The following EPHA5 variants were observed in gnomAD, a reference collection of about 807,000 sequenced individuals.
The protein encoded by EPHA5 is ephrin type-A receptor 5.
A neutral mutation model predicts 105.0 loss-of-function variants in EPHA5; 60 were observed. The observed-to-expected ratio is 0.57, with a 90% CI of 0.46 to 0.71. The LOEUF (loss-of-function observed/expected upper bound fraction) is 0.71. EPHA5 is among the 30% of genes least tolerant of loss of function. The pLI is 0.00. For synonymous variants in EPHA5, 513 were observed against 449.1 expected, an observed-to-expected ratio of 1.14 and a Z score of -1.80; for missense variants, 1,218 against 1,274.7, an observed-to-expected ratio of 0.96 and a Z score of 0.68.
chr4:65,524,988 T>C (rs1316007725), intron 3 of EPHA5, among the ~76,000 whole-genome samples: 1 of 151,734 alleles, frequency 6.6e-6, no homozygotes, highest in Non-Finnish European at 1.5e-5. Flanking sequence ...TTTTTGTGAG[T>C]CAGTGTCTGA....
intron 11 of EPHA5, among the ~76,000 whole-genome samples, chr4:65,356,983 T>C (rs1234287511): frequency 1.3e-5 from 2 of 151,492 alleles, no homozygotes; most frequent in Non-Finnish European, 3.0e-5. Flanking sequence ...CAAAAATCCA[T>C]ATAAAAATAA....
chr4:65,487,916 A>G (rs1055474853), intron 5 of EPHA5, among the ~76,000 whole-genome samples: 11 of 152,176 alleles, frequency 7.2e-5, no homozygotes, highest in Admixed American at 3.9e-4. Flanking sequence ...GGTGGTTACA[A>G]TTAGAAGTTT....
At position 65,576,360 on chromosome 4, in the gene EPHA5, C is replaced by T. The variant is rs533488875; in HGVS notation, c.910+25281G>A. On this transcript the variant is annotated intron_variant, in intron 3 of 16. Coordinates refer to ENST00000613740, the MANE Select transcript of EPHA5 (RefSeq NM_001281766.3). Reference sequence around the variant, plus strand: ...TGCAGTAGGTGGAATGTGCAAATATCGTTCACCAGAAGAAGTACAGCCTTT... The same window carrying T: ...TGCAGTAGGTGGAATGTGCAAATATTGTTCACCAGAAGAAGTACAGCCTTT... Among the ~76,000 whole-genome samples the T allele has an allele frequency of 2.0e-5, 3 of 152,248 alleles. No individual in the cohort carries two copies. In the East Asian group the frequency reaches 5.8e-4, roughly 29 times the overall value.
At chr4:65,335,870 T>C (rs1484372423) in intron 15 of EPHA5, 62 bp downstream of exon 15, 32 of 1,461,634 alleles carry the variant, frequency 2.2e-5, no homozygotes, top group Non-Finnish European at 2.8e-5. Context: ...ATTGATAAAA[T>C]ATTTGTGACA....
At chr4:65,330,181 A>G (rs1197692303) in intron 16 of EPHA5, among the ~76,000 whole-genome samples, 2 of 151,456 alleles carry the variant, frequency 1.3e-5, no homozygotes, top group African/African-American at 2.4e-5. Flanking sequence ...TTCTGGTCAG[A>G]GTAAATGAAT....
intron 3 of EPHA5, among the ~76,000 whole-genome samples, chr4:65,531,957 T>TATTAA (rs1735847101): frequency 6.6e-6 from 1 of 152,214 alleles, no homozygotes; most frequent in Non-Finnish European, 1.5e-5. Context: ...AGGCCATGTG[T>TATTAA]ATACGAGGCT....
intron 3 of EPHA5, among the ~76,000 whole-genome samples, chr4:65,544,641 C>A (rs554721114): frequency 6.6e-6 from 1 of 151,904 alleles, no homozygotes; most frequent in Admixed American, 6.6e-5. Flanking sequence ...AATGTAAATT[C>A]GTTCAACATT....
At chr4:65,361,014 C>T (rs564555421) in intron 11 of EPHA5, among the ~76,000 whole-genome samples, 4 of 151,630 alleles carry the variant, frequency 2.6e-5, no homozygotes, top group East Asian at 1.9e-4. Context: ...TTACTTCTGA[C>T]TGAGAATTCA....
At chr4:65,459,062 A>G (rs2149126361) in intron 5 of EPHA5, among the ~76,000 whole-genome samples, 1 of 152,176 alleles carries the variant, frequency 6.6e-6, no homozygotes, top group African/African-American at 2.4e-5. Context: ...AAACAAGATA[A>G]GCAAGAAATG....
chr4:65,625,389 C>T (rs1192082275), intron 2 of EPHA5, among the ~76,000 whole-genome samples: 1 of 152,018 alleles, frequency 6.6e-6, no homozygotes, highest in Non-Finnish European at 1.5e-5. Context: ...AAGGTTTTTG[C>T]ATCTTACATA....
intron 15 of EPHA5, among the ~76,000 whole-genome samples, chr4:65,334,529 G>A (rs1041463844): frequency 4.6e-5 from 7 of 151,936 alleles, no homozygotes; most frequent in African/African-American, 1.7e-4. Context: ...CATGGTTATT[G>A]AAGTCATCAA....
At chr4:65,616,448 CACACACAGAG>C (rs763832581) in intron 2 of EPHA5, among the ~76,000 whole-genome samples, 1 of 150,190 alleles carries the variant, frequency 6.7e-6, no homozygotes, top group African/African-American at 2.5e-5. Context: ...CACACACACA[CACACACAGAG>C]AGAGAGAGAG....
At chr4:65,599,054 C>A (rs1743453766) in intron 3 of EPHA5, among the ~76,000 whole-genome samples, 1 of 151,860 alleles carries the variant, frequency 6.6e-6, no homozygotes, top group South Asian at 2.1e-4. Flanking sequence ...AAAACCAAAA[C>A]TATATATAAA....
At chr4:65,548,790 A>G (rs1737623929) in intron 3 of EPHA5, among the ~76,000 whole-genome samples, 1 of 152,100 alleles carries the variant, frequency 6.6e-6, no homozygotes, top group Admixed American at 6.6e-5. Context: ...AGGTAAAGCT[A>G]GAAACTCTCA....
At chr4:65,564,798 T>C (rs904058239) in intron 3 of EPHA5, among the ~76,000 whole-genome samples, 5 of 151,750 alleles carry the variant, frequency 3.3e-5, no homozygotes, top group African/African-American at 1.2e-4. Flanking sequence ...TATACTTTTA[T>C]AGAAACAATT....
intron 8 of EPHA5, among the ~76,000 whole-genome samples, chr4:65,396,787 G>A (rs1237720137): frequency 6.6e-6 from 1 of 152,140 alleles, no homozygotes; most frequent in Non-Finnish European, 1.5e-5. Context: ...TGATCCTGAA[G>A]GATAAGTTCA....
intron 3 of EPHA5, among the ~76,000 whole-genome samples, chr4:65,564,591 T>C (rs1447069792): frequency 6.6e-6 from 1 of 151,774 alleles, no homozygotes; most frequent in Admixed American, 6.6e-5. Flanking sequence ...ATCCTATTAC[T>C]ATAAACTTTA....
At chr4:65,388,352 C>T (rs1028288218) in intron 8 of EPHA5, among the ~76,000 whole-genome samples, 7 of 151,852 alleles carry the variant, frequency 4.6e-5, no homozygotes, top group Admixed American at 3.9e-4. Context: ...ATGGCTGGGT[C>T]AAATGGTATT....
chr4:65,570,818 A>T (rs1740055827), intron 3 of EPHA5, among the ~76,000 whole-genome samples: 1 of 152,038 alleles, frequency 6.6e-6, no homozygotes, highest in Non-Finnish European at 1.5e-5. Flanking sequence ...TAAAACCAAT[A>T]AAAATCTTAA....
Sources: allele counts gnomAD v4.1 joint callset (sites outside exome capture counted in the v4.1 genomes callset), GRCh38; gene constraint gnomAD v4.1.1; transcripts MANE v1.5; gene names NCBI Gene and HGNC (gene_info 2026-07-23, HGNC 2026-07-21).